The following KCNAB1 variants were observed in gnomAD, a reference collection of about 807,000 sequenced individuals.
The protein encoded by KCNAB1 is voltage-gated potassium channel subunit beta-1.
Under a neutral mutation model 64.6 loss-of-function variants are expected in KCNAB1, and 35 were observed. The observed-to-expected ratio is 0.54, with a 90% CI of 0.41 to 0.72. The LOEUF is 0.72. KCNAB1 is among the 30% of genes least tolerant of loss of function. The pLI is 0.00. For synonymous variants in KCNAB1, 177 were observed against 183.8 expected (o/e 0.96, Z 0.30); for missense variants, 401 against 512.9 (o/e 0.78, Z 2.11).
At chr3:156,313,215 A>G (rs924352) in intron 1 of KCNAB1, among the ~76,000 whole-genome samples, 15,036 of 152,196 alleles carry the variant, frequency 0.099, 2,339 homozygotes, top group African/African-American at 0.33. Context: ...ATTCACTGAC[A>G]TATTTGCTGG....
intron 1 of KCNAB1, among the ~76,000 whole-genome samples, chr3:156,228,439 G>T (rs1716315379): frequency 6.6e-6 from 1 of 152,126 alleles, no homozygotes. Flanking sequence ...AGCATTTCTG[G>T]AAGTCCCTGA....
intron 1 of KCNAB1, among the ~76,000 whole-genome samples, chr3:156,192,831 A>G (rs1713642822): frequency 1.3e-5 from 2 of 152,050 alleles, no homozygotes; most frequent in South Asian, 2.1e-4. Context: ...TAGTATTATG[A>G]TAGTAAATAT....
intron 1 of KCNAB1, among the ~76,000 whole-genome samples, chr3:156,160,540 C>T (rs1160064979): frequency 6.6e-6 from 1 of 152,104 alleles, no homozygotes; most frequent in Admixed American, 6.5e-5. Flanking sequence ...AGAAAGAGAT[C>T]AGTGGAGGTC....
intron 1 of KCNAB1, among the ~76,000 whole-genome samples, chr3:156,199,880 C>G (rs1052797542): frequency 4.6e-5 from 7 of 152,206 alleles, no homozygotes; most frequent in African/African-American, 1.7e-4. Context: ...AGTTGTGATC[C>G]TTTGGAGGAG....
intron 1 of KCNAB1, among the ~76,000 whole-genome samples, chr3:156,145,153 A>G (rs1171819283): frequency 6.6e-6 from 1 of 152,190 alleles, no homozygotes; most frequent in African/African-American, 2.4e-5. Flanking sequence ...GCCTTGGACA[A>G]GGGTGTATGC....
At chr3:156,433,820 G>C (rs1003856429) in intron 2 of KCNAB1, among the ~76,000 whole-genome samples, 3 of 152,316 alleles carry the variant, frequency 2.0e-5, no homozygotes, top group East Asian at 1.9e-4. Context: ...GTCTGGGCTA[G>C]AGGCTTCCTA....
Position 156,452,913 on chromosome 3 carries a change from T to A in KCNAB1, c.334T>A (p.Phe112Ile). 1 of 1,604,094 alleles carries A rather than the reference T, an allele frequency of 6.2e-7. No individual in the cohort carries two copies. Among genetic ancestry groups the A allele is most frequent in the East Asian group, 2.2e-5 (1 of 44,700 alleles). ...TTATTTTCTAGGAACATGGGTGACA[T>A]TTGGAGGTCAAATTTCAGATGAGGT... ...SCLGLGTWVT[F>I]GGQISDEVAE... Residue 112 changes from phenylalanine (F) to isoleucine (I), a missense_variant, in exon 3 of 14, where the codon TTT becomes ATT. Physicochemically the swap from Phe to Ile is conservative, Grantham distance 21. Coordinates refer to ENST00000490337, the MANE Select transcript of KCNAB1 (RefSeq NM_172160.3). This position sits in a 1 kb window ranked among gnomAD's most constrained non-coding sequence, Gnocchi z 4.6.
chr3:156,380,762 T>A (rs1372003965), intron 1 of KCNAB1, among the ~76,000 whole-genome samples: 2 of 152,132 alleles, frequency 1.3e-5, no homozygotes, highest in African/African-American at 4.8e-5. Context: ...GTATTAAACA[T>A]CAAATAGGTT....
At chr3:156,132,770 T>G (rs987884432) in intron 1 of KCNAB1, among the ~76,000 whole-genome samples, 1 of 152,214 alleles carries the variant, frequency 6.6e-6, no homozygotes, top group Non-Finnish European at 1.5e-5. Flanking sequence ...TTTTCTATAA[T>G]GTACCTCCAG....
intron 1 of KCNAB1, among the ~76,000 whole-genome samples, chr3:156,280,586 C>T (rs1419845947): frequency 6.8e-6 from 1 of 146,616 alleles, no homozygotes; most frequent in African/African-American, 2.5e-5. Context: ...GATATTGATT[C>T]TTCCTACCCA....
chr3:156,152,557 A>C (rs771236980), intron 1 of KCNAB1, among the ~76,000 whole-genome samples: 1 of 152,166 alleles, frequency 6.6e-6, no homozygotes, highest in Middle Eastern at 3.2e-3. Context: ...ATGGATTTTG[A>C]CCCAATTGTC....
intron 1 of KCNAB1, among the ~76,000 whole-genome samples, chr3:156,351,346 A>G (rs1265272197): frequency 6.6e-6 from 1 of 152,202 alleles, no homozygotes; most frequent in Non-Finnish European, 1.5e-5. Context: ...CTTCTTGGGA[A>G]GAGGCAATAG....
chr3:156,512,948 C>T (rs111373440), intron 8 of KCNAB1, among the ~76,000 whole-genome samples: 13,201 of 152,308 alleles, frequency 0.087, 611 homozygotes, highest in South Asian at 0.11. Flanking sequence ...AGCAGTGGCT[C>T]ACGCCTGTAA....
chr3:156,143,208 C>T (rs746497886), intron 1 of KCNAB1: 8 of 1,612,400 alleles, frequency 5.0e-6, no homozygotes, highest in Non-Finnish European at 6.8e-6. Flanking sequence ...CCTGTGCAGA[C>T]ATCCCGAGCC....
At chr3:156,201,373 C>A (rs1714320865) in intron 1 of KCNAB1, among the ~76,000 whole-genome samples, 1 of 152,230 alleles carries the variant, frequency 6.6e-6, no homozygotes. Flanking sequence ...CCCATATACC[C>A]TATCCTCCCC....
At chr3:156,179,523 TG>T (rs1712661616) in intron 1 of KCNAB1, among the ~76,000 whole-genome samples, 1 of 130,080 alleles carries the variant, frequency 7.7e-6, no homozygotes, top group Non-Finnish European at 1.5e-5. Flanking sequence ...TGTTTTGGGG[TG>T]GGGAAGCAGC....
At chr3:156,277,431 T>G (rs200693705) in intron 1 of KCNAB1, among the ~76,000 whole-genome samples, 1 of 152,116 alleles carries the variant, frequency 6.6e-6, no homozygotes, top group East Asian at 1.9e-4. Context: ...ACTTTTCAGT[T>G]TATAAAAAAT....
At chr3:156,469,089 C>T (rs970972933) in intron 7 of KCNAB1, among the ~76,000 whole-genome samples, 13 of 151,916 alleles carry the variant, frequency 8.6e-5, no homozygotes, top group African/African-American at 1.5e-4. Context: ...AAGAGAGATT[C>T]GGAAAATGGT....
At chr3:156,248,553 G>A (rs555623187) in intron 1 of KCNAB1, among the ~76,000 whole-genome samples, 1 of 143,978 alleles carries the variant, frequency 6.9e-6, no homozygotes, top group African/African-American at 2.6e-5. Context: ...GCTTACAGAT[G>A]TAAGTACTAT....
Sources: allele counts gnomAD v4.1 joint callset (sites outside exome capture counted in the v4.1 genomes callset), GRCh38; gene constraint gnomAD v4.1.1; non-coding constraint Gnocchi (gnomAD v3.1); transcripts MANE v1.5; gene names NCBI Gene and HGNC (gene_info 2026-07-23, HGNC 2026-07-21).